The following SIN3A variants were observed in gnomAD, a reference collection of about 807,000 sequenced individuals.
The protein encoded by SIN3A is paired amphipathic helix protein Sin3a.
A neutral mutation model predicts 146.1 loss-of-function variants in SIN3A; 14 were observed. That is an observed-to-expected ratio of 0.10 (90% CI 0.06 to 0.15). The LOEUF is 0.15. SIN3A is among the 10% of genes least tolerant of loss of function. The pLI, the probability that SIN3A is intolerant of heterozygous loss-of-function variation, is 1.00. For missense variants in SIN3A, 1,028 were observed against 1,576.0 expected (o/e 0.65, Z 5.89); for synonymous variants, 572 against 572.0 (o/e 1.00, Z 0.00).
chr15:75,372,063 G>A lies in SIN3A; in HGVS notation c.3738C>T (p.Thr1246=), dbSNP rs146265052. ...GCAGGGTCTCTGTATCACAGGTGGT[G>A]GTACAGGGCACCAGGCCCTCCAGCC... The part of the protein sequence containing the change: ...GEGLEGLVPC[T]TTCDTETLHF... The change falls in exon 21 of 21, where the codon ACC becomes ACT. Residue 1246 remains threonine, a synonymous_variant. Coordinates refer to ENST00000394947, the MANE Select transcript of SIN3A (RefSeq NM_001145358.2). 79 of 1,614,156 alleles carry A rather than the reference G, an allele frequency of 4.9e-5. No individual in the cohort carries two copies. In the African/African-American group the frequency reaches 7.7e-4, roughly 16 times the overall value.
intron 2 of SIN3A, among the ~76,000 whole-genome samples, chr15:75,425,383 G>A (rs1319828847): frequency 6.6e-6 from 1 of 152,142 alleles, no homozygotes; most frequent in Non-Finnish European, 1.5e-5. Flanking sequence ...GGTTAGACTG[G>A]TGTCGAACTC....
intron 20 of SIN3A, among the ~76,000 whole-genome samples, chr15:75,374,188 C>G (rs1433609789): frequency 6.6e-6 from 1 of 152,100 alleles, no homozygotes; most frequent in Non-Finnish European, 1.5e-5. Flanking sequence ...CATCTCTTGT[C>G]AATTAAATAT....
At chr15:75,407,529 A>G (rs2073537279) in intron 8 of SIN3A, among the ~76,000 whole-genome samples, 2 of 152,158 alleles carry the variant, frequency 1.3e-5, no homozygotes, top group Admixed American at 1.3e-4. Context: ...GGCTGTTTGT[A>G]AAAAGAGCTC....
chr15:75,385,244 A>AT (rs1174707718), intron 16 of SIN3A, among the ~76,000 whole-genome samples: 1 of 152,206 alleles, frequency 6.6e-6, no homozygotes, highest in African/African-American at 2.4e-5. Context: ...CTCATTAAGT[A>AT]TTTAAGAAAT....
intron 1 of SIN3A, among the ~76,000 whole-genome samples, chr15:75,442,932 C>CAAAA (rs34555614): frequency 2.4e-5 from 2 of 84,478 alleles, no homozygotes; most frequent in African/African-American, 4.3e-5. Flanking sequence ...AACTCTGTCT[C>CAAAA]AAAAAAAAAA....
chr15:75,443,370 A>G (rs2074250448), intron 1 of SIN3A, among the ~76,000 whole-genome samples: 3 of 152,250 alleles, frequency 2.0e-5, no homozygotes, highest in Admixed American at 2.0e-4. Context: ...AAATGTTAAC[A>G]TCTTACATAA....
chr15:75,427,682 A>T (rs1365662374), intron 2 of SIN3A, among the ~76,000 whole-genome samples: 1 of 151,684 alleles, frequency 6.6e-6, no homozygotes, highest in Non-Finnish European at 1.5e-5. Flanking sequence ...ATAAATAAAT[A>T]AAATAGGCTA....
intron 1 of SIN3A, among the ~76,000 whole-genome samples, chr15:75,435,949 G>T (rs1005147236): frequency 3.4e-5 from 5 of 148,450 alleles, no homozygotes; most frequent in South Asian, 2.2e-4. Context: ...ACAATGGGAT[G>T]ACCCTGTCTC....
intron 1 of SIN3A, among the ~76,000 whole-genome samples, chr15:75,443,058 T>C (rs1197248994): frequency 6.6e-6 from 1 of 151,988 alleles, no homozygotes; most frequent in Non-Finnish European, 1.5e-5. Context: ...GCTCAAGTGA[T>C]CCTCCCATCT....
intron 1 of SIN3A, among the ~76,000 whole-genome samples, chr15:75,445,694 T>C (rs2074294896): frequency 1.4e-5 from 2 of 142,348 alleles, no homozygotes; most frequent in South Asian, 4.3e-4. Context: ...GTGTGTGCAA[T>C]GAGCCGAGAT....
chr15:75,398,870 G>T (rs77801954), intron 12 of SIN3A, among the ~76,000 whole-genome samples: 3 of 152,000 alleles, frequency 2.0e-5, no homozygotes, highest in Admixed American at 2.0e-4. Context: ...TTAGCCACAG[G>T]GGGTAGGAGG....
chr15:75,371,898 C>T lies in SIN3A; in HGVS notation c.*81G>A. The T allele has an allele frequency of 7.7e-7, 1 of 1,292,090 alleles. No homozygotes were observed. 80.0% of individuals were successfully genotyped at this position (1,292,090 alleles called of 1,614,324 possible). ...CCAGTGAGGCTTGAAAGGCATCTTCCTTGTTTCTTCAGTGTGTGAGTGCAT... is the reference window on the plus strand; with the variant it reads ...CCAGTGAGGCTTGAAAGGCATCTTCTTTGTTTCTTCAGTGTGTGAGTGCAT... On this transcript the variant is annotated 3_prime_UTR_variant, in exon 21 of 21. Coordinates refer to ENST00000394947, the MANE Select transcript of SIN3A (RefSeq NM_001145358.2).
At chr15:75,404,839 A>G (rs1312283896) in intron 9 of SIN3A, among the ~76,000 whole-genome samples, 2 of 152,154 alleles carry the variant, frequency 1.3e-5, no homozygotes. Context: ...TATTTTCAGA[A>G]GACTCCTTAA....
intron 1 of SIN3A, among the ~76,000 whole-genome samples, chr15:75,438,636 C>T (rs531430942): frequency 3.9e-4 from 60 of 152,036 alleles, no homozygotes; most frequent in Admixed American, 3.3e-3. Context: ...CTACAGTGAG[C>T]TGTGATTATG....
At chr15:75,433,045 A>G (rs2074040662) in intron 1 of SIN3A, among the ~76,000 whole-genome samples, 1 of 152,180 alleles carries the variant, frequency 6.6e-6, no homozygotes, top group Non-Finnish European at 1.5e-5. Flanking sequence ...TCAAAAAATA[A>G]CAACAACAAA....
intron 3 of SIN3A, chr15:75,420,893 G>T (rs145348189): frequency 6.6e-6 from 1 of 152,156 alleles, no homozygotes; most frequent in African/African-American, 2.4e-5. Flanking sequence ...GTGACTAAAA[G>T]AACACAACAA....
At chr15:75,440,008 G>A (rs2074176054) in intron 1 of SIN3A, among the ~76,000 whole-genome samples, 1 of 151,274 alleles carries the variant, frequency 6.6e-6, no homozygotes, top group Non-Finnish European at 1.5e-5. Flanking sequence ...AAAATTAGCT[G>A]GGCGTGGTAG....
upstream of SIN3A, chr15:75,453,553 C>G (rs2074442267): frequency 6.6e-6 from 1 of 152,494 alleles, no homozygotes; most frequent in South Asian, 2.1e-4. Context: ...TTCCCGTGAA[C>G]ACAGGGTACC....
At chr15:75,440,652 T>C (rs4886704) in intron 1 of SIN3A, among the ~76,000 whole-genome samples, 85,250 of 151,828 alleles carry the variant, frequency 0.56, 24,686 homozygotes, top group African/African-American at 0.7. Context: ...ATGCATGAAC[T>C]TGGAACACAG....
Sources: gnomAD v4.1 joint callset for allele counts (sites outside exome capture counted in the v4.1 genomes callset) on GRCh38, gnomAD v4.1.1 for gene constraint, MANE v1.5 for transcripts, NCBI Gene and HGNC (gene_info 2026-07-23, HGNC 2026-07-21) for gene names.